SLTM: variants seen among roughly 807,000 people sequenced by gnomAD.
The protein encoded by SLTM is SAFB-like transcription modulator.
In SLTM, 43 loss-of-function variants were observed where a neutral mutation model predicts 134.6. That is an observed-to-expected ratio of 0.32 (90% CI 0.25 to 0.41). The LOEUF (loss-of-function observed/expected upper bound fraction) is 0.41. Ranked by LOEUF, SLTM falls within the 10% of genes least tolerant of loss-of-function variation. The pLI, the probability that SLTM is intolerant of heterozygous loss-of-function variation, is 1.00. For missense variants in SLTM, 1,055 were observed against 1,288.8 expected, an observed-to-expected ratio of 0.82 and a Z score of 2.78; for synonymous variants, 424 against 432.3, an observed-to-expected ratio of 0.98 and a Z score of 0.24.
At chr15:58,884,676 G>A (rs1026292276) in intron 19 of SLTM, among the ~76,000 whole-genome samples, 45 of 151,800 alleles carry the variant, frequency 3.0e-4, no homozygotes, top group African/African-American at 1.1e-3. Flanking sequence ...TGTTGCCCAG[G>A]TTGGAGTACA....
rs1595966720 is a variant in SLTM at position 58,932,259 on chromosome 15, A to C, written c.250+97T>G. ...GGCAGACTGCCAGAGGGAAATAGCAAAGAGTAGCACTATATAAACAGGGCA... is the reference window on the plus strand; with the variant it reads ...GGCAGACTGCCAGAGGGAAATAGCACAGAGTAGCACTATATAAACAGGGCA... On this transcript the variant is annotated intron_variant, in intron 2 of 20. Coordinates refer to ENST00000380516, the MANE Select transcript of SLTM (RefSeq NM_024755.4). 7 of 852,812 alleles carry C rather than the reference A, an allele frequency of 8.2e-6. No individual in the cohort carries two copies. In the East Asian group the frequency reaches 1.7e-4, roughly 21 times the overall value. The allele number at this position is 852,812 out of a possible 1,614,324, so 52.8% of individuals were successfully genotyped here.
intron 2 of SLTM, among the ~76,000 whole-genome samples, chr15:58,918,169 A>G (rs1372195334): frequency 6.6e-6 from 1 of 152,130 alleles, no homozygotes; most frequent in African/African-American, 2.4e-5. Context: ...CCTACTTAAA[A>G]ATCCTTAATG....
chr15:58,883,050 C>T (rs184760809), intron 20 of SLTM, among the ~76,000 whole-genome samples: 1 of 152,214 alleles, frequency 6.6e-6, no homozygotes, highest in Non-Finnish European at 1.5e-5. Flanking sequence ...TGCAGTGGCT[C>T]CCGCCTGTAA....
chr15:58,901,215 T>G, intron 6 of SLTM, 45 bp downstream of exon 6: 2 of 1,483,600 alleles, frequency 1.3e-6, no homozygotes, highest in Non-Finnish European at 1.9e-6. Flanking sequence ...TAATTTACTG[T>G]TTTTCTAAAT....
intron 5 of SLTM, among the ~76,000 whole-genome samples, chr15:58,908,316 C>G (rs1333868615): frequency 6.6e-6 from 1 of 152,060 alleles, no homozygotes; most frequent in African/African-American, 2.4e-5. Flanking sequence ...CCGCCTCAGC[C>G]TCCCAAAGTA....
chr15:58,906,761 CTTG>C (rs1169867946), intron 5 of SLTM, among the ~76,000 whole-genome samples: 2 of 152,164 alleles, frequency 1.3e-5, no homozygotes, highest in African/African-American at 2.4e-5. Flanking sequence ...TCAAAAAATA[CTTG>C]TTGAATGAAT....
chr15:58,898,753 G>T, intron 8 of SLTM, 50 bp downstream of exon 8: 1 of 1,419,522 alleles, frequency 7.0e-7, no homozygotes, highest in Non-Finnish European at 9.8e-7. Flanking sequence ...ACTTTTTAAT[G>T]AAAATACACA....
In SLTM at chr15:58,894,069, TAAATAA is replaced by T. The variant is rs2034879939; in HGVS notation, c.1481+15_1481+20del. 6.3e-7 allele frequency: 1 copy of T among 1,589,958 alleles called. No homozygotes were observed. The highest frequency in any genetic ancestry group is 8.5e-7 in the Non-Finnish European group (1 of 1,169,600). Reference sequence around the variant, plus strand: ...AAGTCTATCTGCTTATCAAAATAAATAAATAAAAATAAATCCTTACTTGCTACTTCT... The same window carrying T: ...AAGTCTATCTGCTTATCAAAATAAATAAATAAATCCTTACTTGCTACTTCT... On this transcript the variant is annotated intron_variant, in intron 11 of 20. Coordinates refer to ENST00000380516, the MANE Select transcript of SLTM (RefSeq NM_024755.4).
rs1323595130 is a variant in SLTM, at chr15:58,890,488, C to A, written c.1899-27G>T. 2.5e-6 allele frequency: 4 copies of A among 1,608,028 alleles called. No individual in the cohort carries two copies. In the African/African-American group the frequency reaches 4.0e-5, roughly 16 times the overall value. ...TACCAAAAATCAGTATTTAGAAATACTTAAATTATGCTAGCACTGTGTGAA... is the reference window on the plus strand; with the variant it reads ...TACCAAAAATCAGTATTTAGAAATAATTAAATTATGCTAGCACTGTGTGAA... On this transcript the variant is annotated intron_variant, in intron 14 of 20. Transcript: ENST00000380516.
At chr15:58,927,121 A>G (rs2037528057) in intron 2 of SLTM, among the ~76,000 whole-genome samples, 1 of 152,174 alleles carries the variant, frequency 6.6e-6, no homozygotes, top group Admixed American at 6.6e-5. Context: ...AGAAGCCATT[A>G]TGCTCTTGAG....
intron 5 of SLTM, among the ~76,000 whole-genome samples, chr15:58,905,889 A>G (rs1040872622): frequency 1.3e-5 from 2 of 152,222 alleles, no homozygotes; most frequent in Non-Finnish European, 2.9e-5. Flanking sequence ...GAAGGGTTTC[A>G]TAATTTAAAG....
At position 58,894,128 on chromosome 15, in the gene SLTM, A is replaced by G; in HGVS notation, c.1443T>C (p.Ser481=). ...KENDEKSSSR[S]SGDKKNTSDR... ...CACTCGTATTTTTTTTATCTCCAGA[A>G]CTTCTTGAACTACTCTTTTCATCAT... Residue 481 remains serine, a synonymous_variant, in exon 11 of 21, where the codon AGT becomes AGC. Transcript: ENST00000380516. The G allele has an allele frequency of 6.2e-7, 1 of 1,611,010 alleles. No individual in the cohort carries two copies. Among genetic ancestry groups the G allele is most frequent in the South Asian group, 1.1e-5 (1 of 90,560 alleles).
At chr15:58,886,218 A>AGTGTGTGTGT (rs60261686) in intron 19 of SLTM, among the ~76,000 whole-genome samples, 35 of 124,472 alleles carry the variant, frequency 2.8e-4, no homozygotes, top group East Asian at 2.1e-3. Flanking sequence ...GAAAAAGAAG[A>AGTGTGTGTGT]GTGTGTGTGT....
intron 5 of SLTM, among the ~76,000 whole-genome samples, chr15:58,910,737 T>C (rs112172138): frequency 0.067 from 10,055 of 149,100 alleles, 351 homozygotes; most frequent in African/African-American, 0.083. Flanking sequence ...ATTTTTCTCA[T>C]AGATTCTTTT....
intron 14 of SLTM, 135 bp from the exon 15 acceptor site, chr15:58,890,596 G>A: frequency 2.4e-6 from 2 of 835,612 alleles, no homozygotes; most frequent in Non-Finnish European, 3.5e-6. Flanking sequence ...TAATGTAATT[G>A]GAAAGAGAAT....
At chr15:58,896,637 A>G (rs1327972742) in intron 9 of SLTM, among the ~76,000 whole-genome samples, 1 of 152,190 alleles carries the variant, frequency 6.6e-6, no homozygotes, top group Non-Finnish European at 1.5e-5. Flanking sequence ...AGTTTAAACC[A>G]TTCTCATGCC....
chr15:58,929,119 T>G (rs2037685082), intron 2 of SLTM, among the ~76,000 whole-genome samples: 5 of 152,140 alleles, frequency 3.3e-5, no homozygotes, highest in Admixed American at 3.3e-4. Flanking sequence ...TACCAGTAAG[T>G]AAAACAAGAT....
chr15:58,890,448 C>A lies in SLTM; in HGVS notation c.1912G>T (p.Ala638Ser). The A allele has an allele frequency of 6.2e-7, 1 of 1,613,690 alleles. No homozygotes were observed. The highest frequency in any genetic ancestry group is 8.5e-7 in the Non-Finnish European group (1 of 1,179,952). Residue 638 changes from alanine to serine, a missense_variant, in exon 15 of 21, where the codon GCA becomes TCA. Transcript: ENST00000380516. ...TCTCGCTCTCGACGCTCTCTCTCTG[C>A]AATCTCTCTTCGTCTACCAAAAATC... The part of the protein sequence containing the change: ...AMELRRRREI[A>S]ERERRERERI...
chr15:58,881,908 T>TA (rs1416485273), intron 20 of SLTM, among the ~76,000 whole-genome samples: 2 of 149,694 alleles, frequency 1.3e-5, no homozygotes, highest in South Asian at 2.1e-4. Context: ...GAGAAACATT[T>TA]AAAAAAAAAT....
Sources: gnomAD v4.1 joint callset for allele counts (sites outside exome capture counted in the v4.1 genomes callset) on GRCh38, gnomAD v4.1.1 for gene constraint, MANE v1.5 for transcripts, NCBI Gene and HGNC (gene_info 2026-07-23, HGNC 2026-07-21) for gene names.